The following ARSG variants were observed in gnomAD, a reference collection of about 807,000 sequenced individuals.
ARSG encodes the protein arylsulfatase G, also known as ASG.
Under a neutral mutation model 50.5 loss-of-function variants are expected in ARSG, and 37 were observed. The observed-to-expected ratio is 0.73, with a 90% CI of 0.56 to 0.96. The LOEUF is 0.96. Ranked by LOEUF, ARSG falls within the 50% of genes least tolerant of loss-of-function variation. The pLI, the probability that ARSG is intolerant of heterozygous loss-of-function variation, is 0.00. For synonymous variants in ARSG, 225 were observed against 254.6 expected (o/e 0.88, Z 1.11); for missense variants, 629 against 675.3 (o/e 0.93, Z 0.76).
rs782150494 is a variant in ARSG, at chr17:68,307,397, CT to C, written c.-95del. 1.4e-4 allele frequency: 132 copies of C among 970,522 alleles called. No individual in the cohort carries two copies. In the East Asian group the frequency reaches 3.0e-3, roughly 22 times the overall value. 60.1% of individuals were successfully genotyped at this position (970,522 alleles called of 1,614,324 possible). ...AGATTCCACCCCTGCTCCCCAGAGA[CT>C]TCCTGCTTTGAAAGTGAGCAGAAAG... On this transcript the variant is annotated 5_prime_UTR_variant, in exon 2 of 12. Coordinates refer to ENST00000621439, the MANE Select transcript of ARSG (RefSeq NM_001267727.2).
chr17:68,363,134 G>A (rs1179247603), intron 6 of ARSG, among the ~76,000 whole-genome samples: 1 of 152,196 alleles, frequency 6.6e-6, no homozygotes, highest in African/African-American at 2.4e-5. Context: ...GCAGGGAAAA[G>A]GGCTATGGCA....
intron 1 of ARSG, among the ~76,000 whole-genome samples, chr17:68,275,712 T>C (rs1446732570): frequency 2.0e-5 from 3 of 152,162 alleles, no homozygotes; most frequent in Non-Finnish European, 4.4e-5. Context: ...CTGGGTGCGG[T>C]GGCTTACACC....
At chr17:68,402,355 C>T (rs982670079) in intron 11 of ARSG, among the ~76,000 whole-genome samples, 2 of 151,784 alleles carry the variant, frequency 1.3e-5, no homozygotes, top group African/African-American at 4.8e-5. Flanking sequence ...AGCGATTCTC[C>T]TGCCTCAGCC....
chr17:68,270,337 C>T (rs9891425), intron 1 of ARSG, among the ~76,000 whole-genome samples: 8,411 of 151,944 alleles, frequency 0.055, 767 homozygotes, highest in African/African-American at 0.19. Flanking sequence ...AGGCGGATCA[C>T]GAGGTCAAGA....
At chr17:68,401,324 ATT>A in intron 10 of ARSG, 34 bp from the exon 11 acceptor site, 1 of 1,594,798 alleles carries the variant, frequency 6.3e-7, no homozygotes, top group Non-Finnish European at 8.6e-7. Flanking sequence ...AGTTCTGCCA[ATT>A]TTTCTATTAG....
chr17:68,366,816 A>G (rs2146673467), intron 6 of ARSG, among the ~76,000 whole-genome samples: 1 of 152,168 alleles, frequency 6.6e-6, no homozygotes, highest in East Asian at 1.9e-4. Flanking sequence ...TTTGTTTTGC[A>G]ACAATTACCA....
At chr17:68,313,679 C>CTTTTTT (rs1464951846) in intron 2 of ARSG, among the ~76,000 whole-genome samples, 9 of 40,778 alleles carry the variant, frequency 2.2e-4, no homozygotes, top group Non-Finnish European at 4.2e-4. Context: ...ATCTCTCTCT[C>CTTTTTT]TCTCTTTTTT....
chr17:68,333,071 G>T (rs2077848094), intron 2 of ARSG, among the ~76,000 whole-genome samples: 1 of 152,194 alleles, frequency 6.6e-6, no homozygotes, highest in African/African-American at 2.4e-5. Context: ...AGCATTTTGG[G>T]AGGCTGAGGT....
the ARSG span, chr17:68,435,840 C>T: frequency 1.2e-6 from 1 of 819,794 alleles, no homozygotes; most frequent in Non-Finnish European, 2.0e-6. Context: ...CTCTGTCCCC[C>T]AGGCCATCTG....
chr17:68,275,761 C>T (rs1338379483), intron 1 of ARSG, among the ~76,000 whole-genome samples: 1 of 152,046 alleles, frequency 6.6e-6, no homozygotes, highest in Non-Finnish European at 1.5e-5. Context: ...GCAGGTGGAT[C>T]ACGAGTTCAG....
chr17:68,433,398 A>C, the ARSG span: 10 of 1,329,694 alleles, frequency 7.5e-6, no homozygotes, highest in Admixed American at 1.7e-4. Flanking sequence ...GAGATCATTC[A>C]TGCCAGTAGA....
intron 5 of ARSG, among the ~76,000 whole-genome samples, chr17:68,355,277 C>A (rs1320729025): frequency 6.6e-6 from 1 of 152,200 alleles, no homozygotes. Context: ...GAGATCATGA[C>A]CAGAGTCAGA....
chr17:68,420,759 T>C lies in ARSG; in HGVS notation c.*296T>C. The C allele has an allele frequency of 5.1e-6, 2 of 389,468 alleles. No individual in the cohort carries two copies. The highest frequency in any genetic ancestry group is 9.2e-6 in the Non-Finnish European group (2 of 216,336). The allele number at this position is 389,468 out of a possible 1,614,324, so 24.1% of individuals were successfully genotyped here. ...ACTTGGGCAATTGTTTAACCTAACC[T>C]GCAAGTTGATTTTGAGGGTTAAATA... is the stretch of plus-strand genomic sequence containing the variant. On this transcript the variant is annotated 3_prime_UTR_variant, in exon 12 of 12. Coordinates refer to ENST00000621439, the MANE Select transcript of ARSG (RefSeq NM_001267727.2).
At chr17:68,417,732 A>ACTTT (rs1228418754) in intron 11 of ARSG, among the ~76,000 whole-genome samples, 1 of 63,188 alleles carries the variant, frequency 1.6e-5, no homozygotes, top group Non-Finnish European at 3.4e-5. Flanking sequence ...AGAGTTGCTG[A>ACTTT]ATTTTTTTTT....
intron 4 of ARSG, among the ~76,000 whole-genome samples, chr17:68,347,457 C>T (rs954033400): frequency 4.6e-5 from 7 of 152,160 alleles, no homozygotes; most frequent in African/African-American, 1.7e-4. Flanking sequence ...TTCTTTACAC[C>T]TCAGGGAACA....
chr17:68,410,751 C>G (rs1356220666), intron 11 of ARSG, among the ~76,000 whole-genome samples: 1 of 152,142 alleles, frequency 6.6e-6, no homozygotes, highest in Non-Finnish European at 1.5e-5. Flanking sequence ...TCCATCTGGT[C>G]CTGGACTCTT....
chr17:68,326,383 T>G (rs1339241978), intron 2 of ARSG, among the ~76,000 whole-genome samples: 1 of 152,122 alleles, frequency 6.6e-6, no homozygotes, highest in African/African-American at 2.4e-5. Context: ...AAAAAACAAC[T>G]CAGCCTGGCG....
chr17:68,302,466 A>G (rs533199703), intron 1 of ARSG, among the ~76,000 whole-genome samples: 2 of 152,342 alleles, frequency 1.3e-5, no homozygotes, highest in Non-Finnish European at 2.9e-5. Flanking sequence ...AACGAGGGTC[A>G]GGTGATGAAG....
intron 2 of ARSG, among the ~76,000 whole-genome samples, chr17:68,309,004 A>AGGG (rs1422503974): frequency 1.3e-5 from 2 of 152,118 alleles, no homozygotes; most frequent in Non-Finnish European, 2.9e-5. Context: ...GAGCCCACGG[A>AGGG]GGGGGTGGGA....
Sources: allele counts gnomAD v4.1 joint callset (sites outside exome capture counted in the v4.1 genomes callset), GRCh38; gene constraint gnomAD v4.1.1; transcripts MANE v1.5; gene names NCBI Gene and HGNC (gene_info 2026-07-23, HGNC 2026-07-21).